The following ST6GALNAC3 variants were observed in gnomAD, a reference collection of about 807,000 sequenced individuals.
ST6GALNAC3 encodes the protein alpha-N-acetylgalactosaminide alpha-2,6-sialyltransferase 3.
ST6GALNAC3 carries 25 observed loss-of-function variants against 32.7 expected under a neutral mutation model. The observed-to-expected ratio is 0.76, with a 90% CI of 0.56 to 1.07. The LOEUF (loss-of-function observed/expected upper bound fraction) is 1.07. ST6GALNAC3 is among the 50% of genes least tolerant of loss of function. ST6GALNAC3 has a pLI of 0.00. For synonymous variants in ST6GALNAC3, 129 were observed against 133.1 expected, an observed-to-expected ratio of 0.97 and a Z score of 0.21; for missense variants, 355 against 382.4, an observed-to-expected ratio of 0.93 and a Z score of 0.60.
chr1:76,242,240 T>C (rs1216453073), intron 1 of ST6GALNAC3, among the ~76,000 whole-genome samples: 1 of 152,056 alleles, frequency 6.6e-6, no homozygotes, highest in African/African-American at 2.4e-5. Context: ...TGGAAGAACA[T>C]TTGTAATCAC....
At chr1:76,377,137 C>T (rs1480389607) in intron 2 of ST6GALNAC3, among the ~76,000 whole-genome samples, 4 of 151,962 alleles carry the variant, frequency 2.6e-5, no homozygotes, top group Non-Finnish European at 5.9e-5. Context: ...AAGTGAAAAC[C>T]AAAGCACTTC....
chr1:76,583,369 T>C (rs1646918173), intron 3 of ST6GALNAC3, among the ~76,000 whole-genome samples: 1 of 152,196 alleles, frequency 6.6e-6, no homozygotes, highest in African/African-American at 2.4e-5. Context: ...CCACTGGCTA[T>C]TGACATGCAG....
chr1:76,559,146 T>G (rs931809045), intron 3 of ST6GALNAC3, among the ~76,000 whole-genome samples: 13 of 152,140 alleles, frequency 8.5e-5, no homozygotes, highest in African/African-American at 3.1e-4. Context: ...CCTTGGTAAG[T>G]CTTCCAAAAT....
chr1:76,135,391 A>C (rs1042526972), intron 1 of ST6GALNAC3, among the ~76,000 whole-genome samples: 2 of 152,178 alleles, frequency 1.3e-5, no homozygotes, highest in Admixed American at 1.3e-4. Flanking sequence ...CCAAATATTG[A>C]ACATCTACTG....
At chr1:76,614,277 C>A (rs915023803) in intron 3 of ST6GALNAC3, among the ~76,000 whole-genome samples, 6 of 152,174 alleles carry the variant, frequency 3.9e-5, no homozygotes, top group Admixed American at 6.5e-5. Flanking sequence ...TGGTTAGATT[C>A]TCAGGCCAAT....
chr1:76,368,745 A>T (rs1383046907), intron 2 of ST6GALNAC3, among the ~76,000 whole-genome samples: 1 of 152,196 alleles, frequency 6.6e-6, no homozygotes, highest in African/African-American at 2.4e-5. Flanking sequence ...ATGGTCTTAT[A>T]GTTTATGAGC....
chr1:76,280,623 A>G (rs1006956677), intron 1 of ST6GALNAC3, among the ~76,000 whole-genome samples: 33 of 152,208 alleles, frequency 2.2e-4, no homozygotes, highest in Admixed American at 2.2e-3. Context: ...ACTTATCAGA[A>G]AGGATTCTTG....
chr1:76,428,017 G>C (rs1655510889), intron 3 of ST6GALNAC3, among the ~76,000 whole-genome samples: 1 of 152,048 alleles, frequency 6.6e-6, no homozygotes, highest in Non-Finnish European at 1.5e-5. Context: ...AGAGTTAGTG[G>C]ACAAAAGCAA....
intron 2 of ST6GALNAC3, chr1:76,353,816 G>A (rs1283545005): frequency 1.3e-5 from 2 of 152,774 alleles, no homozygotes; most frequent in African/African-American, 4.8e-5. Context: ...CCACTCACCA[G>A]TCACAAAGAC....
intron 2 of ST6GALNAC3, among the ~76,000 whole-genome samples, chr1:76,407,249 T>G (rs1434378292): frequency 6.6e-6 from 1 of 152,026 alleles, no homozygotes; most frequent in African/African-American, 2.4e-5. Context: ...AAGTTCACAC[T>G]GATTAGAATT....
At chr1:76,577,715 G>A (rs1646832836) in intron 3 of ST6GALNAC3, among the ~76,000 whole-genome samples, 1 of 151,950 alleles carries the variant, frequency 6.6e-6, no homozygotes, top group Non-Finnish European at 1.5e-5. Context: ...GAAACTGCAA[G>A]CCCACCTCTG....
chr1:76,330,233 A>G (rs970040458), intron 2 of ST6GALNAC3, among the ~76,000 whole-genome samples: 2 of 151,852 alleles, frequency 1.3e-5, no homozygotes, highest in African/African-American at 4.8e-5. Context: ...GCTCACTGCA[A>G]CCTCTGCCTC....
intron 1 of ST6GALNAC3, among the ~76,000 whole-genome samples, chr1:76,206,553 C>A (rs1654835017): frequency 1.3e-5 from 2 of 152,094 alleles, no homozygotes; most frequent in South Asian, 2.1e-4. Flanking sequence ...CATGGTGAAA[C>A]CCCATCTTTA....
intron 1 of ST6GALNAC3, among the ~76,000 whole-genome samples, chr1:76,278,122 A>G (rs1659276628): frequency 7.6e-6 from 1 of 131,818 alleles, no homozygotes; most frequent in Non-Finnish European, 1.5e-5. Context: ...CTTTCTATCT[A>G]TATTTCTATC....
At chr1:76,617,457 T>C (rs771851368) in intron 3 of ST6GALNAC3, among the ~76,000 whole-genome samples, 27 of 152,196 alleles carry the variant, frequency 1.8e-4, no homozygotes, top group Non-Finnish European at 2.9e-4. Flanking sequence ...TTTATCAGGT[T>C]AGCAGGGAAA....
intron 1 of ST6GALNAC3, among the ~76,000 whole-genome samples, chr1:76,185,075 T>G (rs1333633962): frequency 6.6e-6 from 1 of 152,180 alleles, no homozygotes; most frequent in African/African-American, 2.4e-5. Context: ...TTCTTCCTTT[T>G]ACAGATAAGG....
At chr1:76,431,238 A>G (rs1266571778) in intron 3 of ST6GALNAC3, among the ~76,000 whole-genome samples, 1 of 152,174 alleles carries the variant, frequency 6.6e-6, no homozygotes, top group Non-Finnish European at 1.5e-5. Context: ...AACACTGGGT[A>G]TGCTTGCCTC....
chr1:76,467,027 TC>T (rs1375398831), intron 3 of ST6GALNAC3, among the ~76,000 whole-genome samples: 2 of 152,048 alleles, frequency 1.3e-5, no homozygotes, highest in Non-Finnish European at 2.9e-5. Flanking sequence ...TTTTAGTTGT[TC>T]AAGTATGAAT....
intron 1 of ST6GALNAC3, among the ~76,000 whole-genome samples, chr1:76,211,709 C>G (rs1052627023): frequency 2.6e-5 from 4 of 152,034 alleles, no homozygotes; most frequent in Admixed American, 2.6e-4. Flanking sequence ...ACCGCATGTT[C>G]TCGCTCATAG....
Sources: gnomAD v4.1 joint callset for allele counts (sites outside exome capture counted in the v4.1 genomes callset) on GRCh38, gnomAD v4.1.1 for gene constraint, MANE v1.5 for transcripts, NCBI Gene and HGNC (gene_info 2026-07-23, HGNC 2026-07-21) for gene names.